IFT140: variants seen among roughly 807,000 people sequenced by gnomAD.
IFT140 encodes intraflagellar transport protein 140 homolog.
Under a neutral mutation model 164.6 loss-of-function variants are expected in IFT140, and 133 were observed. The ratio of observed to expected loss-of-function variants is 0.81; its 90% CI spans 0.70 to 0.93. The LOEUF (loss-of-function observed/expected upper bound fraction) is 0.93. Ranked by LOEUF, IFT140 falls within the 40% of genes least tolerant of loss-of-function variation. IFT140 has a pLI of 0.00. For synonymous variants in IFT140, 860 were observed against 817.3 expected, an observed-to-expected ratio of 1.05 and a Z score of -0.89; for missense variants, 2,045 against 1,972.3, an observed-to-expected ratio of 1.04 and a Z score of -0.70.
chr16:1,575,832 G>T lies in IFT140; in HGVS notation c.1525-4298C>A, dbSNP rs558941984. 1.2e-4 allele frequency among the ~76,000 whole-genome samples: 19 copies of T among 152,070 alleles called. No homozygotes were observed. In the East Asian group the frequency reaches 3.5e-3, roughly 28 times the overall value. On this transcript the variant is annotated intron_variant, in intron 13 of 30. Coordinates refer to ENST00000426508, the MANE Select transcript of IFT140 (RefSeq NM_014714.4). ...TCATGCCACTGGCCCTCTCCCAGAA[G>T]CCCATTCACCCTTTCCCATCATGCC... is the stretch of plus-strand genomic sequence containing the variant.
Position 1,589,751 on chromosome 16 carries a change from TG to T in IFT140, c.663del (p.Lys222ArgfsTer47). On this transcript the variant is annotated frameshift_variant, in exon 7 of 31. Transcript: ENST00000426508. LOFTEE classifies it high-confidence loss of function. ...DGTVHYVDEK[G>X]KTTQVVSADS... ...TCTGCGGACACCACCTGAGTGGTCTTGCCCTTCTCATCCACATAGTGCACTG... is the reference window on the plus strand; with the variant it reads ...TCTGCGGACACCACCTGAGTGGTCTTCCCTTCTCATCCACATAGTGCACTG... 6.2e-7 allele frequency: 1 copy of T among 1,614,200 alleles called. No homozygotes were observed. The highest frequency in any genetic ancestry group is 8.5e-7 in the Non-Finnish European group (1 of 1,180,022).
Position 1,558,059 on chromosome 16 carries a change from GGGGTCTCCTGGACACCATCTGA to G in IFT140, c.2253_2274del (p.Gln752CysfsTer27). The G allele has an allele frequency of 6.2e-7, 1 of 1,614,072 alleles. No homozygotes were observed. The highest frequency in any genetic ancestry group is 1.1e-5 in the South Asian group (1 of 91,076). ...TCCTCCAGCCCCACAAAGTCTCGCAGGGGTCTCCTGGACACCATCTGAGGGATGTGGTGGCACCCAGGCTCCA... is the reference window on the plus strand; with the variant it reads ...TCCTCCAGCCCCACAAAGTCTCGCAGGGGATGTGGTGGCACCCAGGCTCCA... On this transcript the variant is annotated frameshift_variant, in exon 19 of 31. Coordinates refer to ENST00000426508, the MANE Select transcript of IFT140 (RefSeq NM_014714.4). LOFTEE classifies it high-confidence loss of function.
At chr16:1,592,125 G>C in intron 6 of IFT140, 51 bp downstream of exon 6, 1 of 1,597,922 alleles carries the variant, frequency 6.3e-7, no homozygotes, top group Non-Finnish European at 8.6e-7. Context: ...ATCCCTACCA[G>C]ACACCCCTAA....
At chr16:1,568,869 C>T (rs905975980) in intron 14 of IFT140, among the ~76,000 whole-genome samples, 10 of 152,252 alleles carry the variant, frequency 6.6e-5, no homozygotes, top group African/African-American at 1.4e-4. Flanking sequence ...ACTGCTTCAT[C>T]GCCCGCTGTG....
intron 19 of IFT140, among the ~76,000 whole-genome samples, chr16:1,546,522 T>A (rs1157976200): frequency 4.6e-5 from 7 of 152,188 alleles, no homozygotes; most frequent in Non-Finnish European, 7.4e-5. Context: ...CTCGCAGCTG[T>A]TATTCCAGCG....
At chr16:1,604,890 T>C (rs2035981526) in intron 3 of IFT140, among the ~76,000 whole-genome samples, 2 of 151,790 alleles carry the variant, frequency 1.3e-5, no homozygotes, top group South Asian at 2.1e-4. Context: ...GTGACTTTCA[T>C]TGAGATGGGA....
intron 6 of IFT140, 135 bp from the exon 7 acceptor site, chr16:1,589,915 G>C: frequency 1.3e-6 from 1 of 785,706 alleles, no homozygotes; most frequent in East Asian, 2.8e-5. Context: ...CTTAAAAATG[G>C]GCCGGGCAAA....
chr16:1,528,329 ACGTGTG>A (rs1344891092), intron 19 of IFT140, among the ~76,000 whole-genome samples: 9 of 104,298 alleles, frequency 8.6e-5, no homozygotes, highest in African/African-American at 3.7e-4. Context: ...GCATGCACGC[ACGTGTG>A]CACACACACG....
intron 4 of IFT140, among the ~76,000 whole-genome samples, chr16:1,599,183 A>G (rs1435553404): frequency 7.3e-5 from 5 of 68,666 alleles, no homozygotes; most frequent in African/African-American, 2.7e-4. Flanking sequence ...CCTGGCAACC[A>G]CCCCATCTGA....
chr16:1,536,336 C>T (rs1197395090), intron 19 of IFT140, among the ~76,000 whole-genome samples: 1 of 152,218 alleles, frequency 6.6e-6, no homozygotes, highest in African/African-American at 2.4e-5. Context: ...GGCCTGCTCA[C>T]CTCAGGCCAG....
intron 30 of IFT140, chr16:1,514,275 CAGG>C (rs1303944156): frequency 6.6e-6 from 1 of 152,016 alleles, no homozygotes; most frequent in Non-Finnish European, 1.5e-5. Context: ...GAGGCTGCAG[CAGG>C]AGAATGGCAT....
In IFT140 at chr16:1,553,187, T is replaced by C. The variant is rs2032812869; in HGVS notation, c.2399+4748A>G. ...TTACCCATCTCTTGCTCTCTGTCTC[T>C]CCTTCCCTGTGTCTCTGTCTCTGTC... On this transcript the variant is annotated intron_variant, in intron 19 of 30. Transcript: ENST00000426508. This position sits in a 1 kb window ranked among gnomAD's most constrained non-coding sequence, Gnocchi z 4.4. 1 of 984,842 alleles carries C rather than the reference T, an allele frequency of 1.0e-6. No homozygotes were observed. Among genetic ancestry groups the C allele is most frequent in the Non-Finnish European group, 1.2e-6 (1 of 829,424 alleles). The allele number at this position is 984,842 out of a possible 1,614,324, so 61.0% of individuals were successfully genotyped here.
intron 19 of IFT140, chr16:1,541,006 T>C: frequency 4.1e-6 from 4 of 985,360 alleles, no homozygotes; most frequent in Non-Finnish European, 4.8e-6. Flanking sequence ...TGTAAGGTTT[T>C]ATTTGCGGGA....
chr16:1,528,713 G>GC (rs1310286629), intron 19 of IFT140: 1 of 153,120 alleles, frequency 6.5e-6, no homozygotes, highest in East Asian at 1.9e-4. Context: ...CAGCAGCCCT[G>GC]CAGCCTCCCC....
rs2036120733 is a variant in IFT140 at position 1,607,223 on chromosome 16, G to A, written c.44C>T (p.Ala15Val). The A allele has an allele frequency of 6.2e-7, 1 of 1,614,040 alleles. No individual in the cohort carries two copies. The highest frequency in any genetic ancestry group is 1.1e-5 in the South Asian group (1 of 91,086). The change falls in exon 3 of 31, where the codon GCA (alanine) becomes GTA (valine). Residue 15 changes from alanine (A) to valine (V), a missense_variant. Transcript: ENST00000426508. ...YDHQIEAPDAAGSPSFISWHP... is the reference protein window; with the variant it reads ...YDHQIEAPDAVGSPSFISWHP... ...CCAGCTGATAAATGAGGGTGACCCT[G>A]CTGCATCCGGGGCTTCTATCTGGTG...
chr16:1,523,560 A>G lies in IFT140; in HGVS notation c.3411T>C (p.Ser1137=). The change falls in exon 26 of 31, where the codon AGT becomes AGC. Residue 1137 remains serine, a synonymous_variant. Transcript: ENST00000426508. ...GCAGCTCTACCGCCCTCTCGTACTG[A>G]CTGTGCTCGATGAAGAAGTCGGAGC... The part of the protein sequence containing the change: ...ARCSDFFIEH[S]QYERAVELLL... The G allele has an allele frequency of 3.7e-6, 6 of 1,613,386 alleles. No homozygotes were observed. Among genetic ancestry groups the G allele is most frequent in the Non-Finnish European group, 5.1e-6 (6 of 1,179,946 alleles).
rs1238695089 is a variant in IFT140, at chr16:1,563,057, CA to C, written c.2067+939del. 4.6e-5 allele frequency among the ~76,000 whole-genome samples: 7 copies of C among 152,040 alleles called. No homozygotes were observed. The East Asian group carries it at 1.4e-3, about 30-fold the overall frequency. Reference sequence around the variant, plus strand: ...ACAAAGAGCCCTAGGATCAAACTGCCAGGAGACGGCCCTACCTCCCTGCCAC... The same window carrying C: ...ACAAAGAGCCCTAGGATCAAACTGCCGGAGACGGCCCTACCTCCCTGCCAC... On this transcript the variant is annotated intron_variant, in intron 17 of 30. Transcript: ENST00000426508.
In IFT140 at chr16:1,510,858, A is replaced by G; in HGVS notation, c.*86T>C. On this transcript the variant is annotated 3_prime_UTR_variant, in exon 31 of 31. Coordinates refer to ENST00000426508, the MANE Select transcript of IFT140 (RefSeq NM_014714.4). ...CAACACAGACATGTTTTTTCCCAGC[A>G]AAAATGCTGGCTTTGCCACAGCTGA... 1.6e-6 allele frequency: 2 copies of G among 1,254,128 alleles called. No homozygotes were observed. The highest frequency in any genetic ancestry group is 1.3e-5 in the South Asian group (1 of 78,492). 77.7% of individuals were successfully genotyped at this position (1,254,128 alleles called of 1,614,324 possible). A position where few individuals can be genotyped will look rare whatever the true frequency, so the allele number is the denominator to read the frequency against.
intron 3 of IFT140, among the ~76,000 whole-genome samples, chr16:1,605,649 C>G (rs1157161997): frequency 6.6e-6 from 1 of 152,062 alleles, no homozygotes; most frequent in Non-Finnish European, 1.5e-5. Flanking sequence ...CATGATCCAC[C>G]CACCCCGGCC....
Sources: allele counts gnomAD v4.1 joint callset (sites outside exome capture counted in the v4.1 genomes callset), GRCh38; gene constraint gnomAD v4.1.1; non-coding constraint Gnocchi (gnomAD v3.1); transcripts MANE v1.5; gene names NCBI Gene and HGNC (gene_info 2026-07-23, HGNC 2026-07-21).